The following KCNAB3 variants were observed in gnomAD, a reference collection of about 807,000 sequenced individuals.
KCNAB3 encodes potassium voltage-gated channel subfamily A regulatory beta subunit 3.
A neutral mutation model predicts 67.7 loss-of-function variants in KCNAB3; 62 were observed. The ratio of observed to expected loss-of-function variants is 0.92; its 90% CI spans 0.75 to 1.13. KCNAB3 has a LOEUF of 1.13. Among genes scored for constraint, KCNAB3 ranks in the 50% most tolerant of loss-of-function variants. The pLI is 0.00. For missense variants in KCNAB3, 514 were observed against 522.9 expected (o/e 0.98, Z 0.17); for synonymous variants, 212 against 205.4 (o/e 1.03, Z -0.27).
chr17:7,929,304 C>CG lies in KCNAB3; in HGVS notation c.131dup (p.Gly47TrpfsTer62). ...CCTTGGGGCCAGACCCTCCACCCCC[C>CG]GGAGGATTCCCGTGCCCCCCGCCGG... On this transcript the variant is annotated frameshift_variant, in exon 1 of 14. Transcript: ENST00000303790. LOFTEE classifies it high-confidence loss of function. This position sits in a 1 kb window ranked among gnomAD's most constrained non-coding sequence, Gnocchi z 5.7. 1 of 1,567,212 alleles carries CG rather than the reference C, an allele frequency of 6.4e-7. No individual in the cohort carries two copies.
In KCNAB3 at chr17:7,924,683, T is replaced by C. The variant is rs918149362; in HGVS notation, c.626-183A>G. On this transcript the variant is annotated intron_variant, in intron 8 of 13. Coordinates refer to ENST00000303790, the MANE Select transcript of KCNAB3 (RefSeq NM_004732.4). ...GAGTCTCAGCCTCCACTGTGGAGTT[T>C]TGGAGGCCTTCTGAGCAGGGGCTGG... 2.9e-6 allele frequency: 4 copies of C among 1,372,492 alleles called. No homozygotes were observed. The African/African-American group carries it at 5.8e-5, about 20-fold the overall frequency. 85.0% of individuals were successfully genotyped at this position (1,372,492 alleles called of 1,614,324 possible).
chr17:7,929,839 C>A lies in KCNAB3; in HGVS notation c.-404G>T, dbSNP rs141499938. ...GGACCCGCTGGGCTCCCAGCCGCGT[C>A]GGCAGCGGGCCCAGCTCATCAGCAT... On this transcript the variant is annotated 5_prime_UTR_variant, in exon 1 of 14. Coordinates refer to ENST00000303790, the MANE Select transcript of KCNAB3 (RefSeq NM_004732.4). This position sits in a 1 kb window ranked among gnomAD's most constrained non-coding sequence, Gnocchi z 5.7. The A allele has an allele frequency of 9.3e-6, 10 of 1,073,490 alleles. No individual in the cohort carries two copies. Among genetic ancestry groups the A allele is most frequent in the South Asian group, 5.3e-5 (2 of 37,446 alleles). 66.5% of individuals were successfully genotyped at this position (1,073,490 alleles called of 1,614,324 possible).
rs1417224737 is a variant in KCNAB3 at position 7,923,004 on chromosome 17, C to A, written c.*98G>T. 1 of 1,171,484 alleles carries A rather than the reference C, an allele frequency of 8.5e-7. No homozygotes were observed. The highest frequency in any genetic ancestry group is 1.3e-6 in the Non-Finnish European group (1 of 782,108). 72.6% of individuals were successfully genotyped at this position (1,171,484 alleles called of 1,614,324 possible). Reference sequence around the variant, plus strand: ...TGGGCGGGGCTAGTCTGGCTCCGGCCGCTGCGTGGAGGGATCCGGAGCGGG... The same window carrying A: ...TGGGCGGGGCTAGTCTGGCTCCGGCAGCTGCGTGGAGGGATCCGGAGCGGG... On this transcript the variant is annotated 3_prime_UTR_variant, in exon 14 of 14. Coordinates refer to ENST00000303790, the MANE Select transcript of KCNAB3 (RefSeq NM_004732.4).
rs928917715 is a variant in KCNAB3 at position 7,923,673 on chromosome 17, A to G, written c.1048+38T>C. On this transcript the variant is annotated intron_variant, in intron 12 of 13. Transcript: ENST00000303790. ...TTTAGGATGGGCTTGGGAGCATGTC[A>G]GGAGGAGACAGGGCCCCTGCAGGGT... 2.0e-5 allele frequency: 31 copies of G among 1,552,948 alleles called. No homozygotes were observed. In the East Asian group the frequency reaches 7.5e-4, roughly 38 times the overall value.
Position 7,924,244 on chromosome 17 carries a change from GTC to G in KCNAB3, c.731_732del (p.Arg244ThrfsTer10). 1 of 1,614,176 alleles carries G rather than the reference GTC, an allele frequency of 6.2e-7. No homozygotes were observed. The highest frequency in any genetic ancestry group is 8.5e-7 in the Non-Finnish European group (1 of 1,180,004). ...AEIMEAYSMA[R>X]QFNLIPPVCE... ...CACACTGGAGGAATCAGATTGAACT[GTC>G]TGGCCATGGAGTAGGCCTCCTGGGT... On this transcript the variant is annotated frameshift_variant, in exon 10 of 14. Transcript: ENST00000303790. LOFTEE classifies it high-confidence loss of function.
chr17:7,924,094 G>C, intron 10 of KCNAB3, 32 bp from the exon 11 acceptor site: 1 of 1,614,188 alleles, frequency 6.2e-7, no homozygotes, highest in Non-Finnish European at 8.5e-7. Context: ...TCAGGAAAAG[G>C]ACCTAGCCAT....
intron 7 of KCNAB3, 53 bp downstream of exon 7, chr17:7,925,630 C>T (rs1972202819): frequency 6.4e-7 from 1 of 1,570,212 alleles, no homozygotes; most frequent in Non-Finnish European, 8.8e-7. Flanking sequence ...ATGTTCCCTA[C>T]TCCTCTGGCT....
chr17:7,923,787 C>T lies in KCNAB3; in HGVS notation c.972G>A (p.Lys324=). ...LKDKVQSEDG[K]KQQAKVMDLL... is the part of the protein sequence containing the mutation. ...GGTCCATGACTTTGGCTTGTTGCTT[C>T]TTGCCATCTTCACTCTGCACTTTGT... The change falls in exon 12 of 14, where the codon AAG becomes AAA. Residue 324 remains lysine (K), a synonymous_variant. Coordinates refer to ENST00000303790, the MANE Select transcript of KCNAB3 (RefSeq NM_004732.4). 6.3e-7 allele frequency: 1 copy of T among 1,581,570 alleles called. No homozygotes were observed. The highest frequency in any genetic ancestry group is 1.7e-4 in the Middle Eastern group (1 of 6,036).
In KCNAB3 at chr17:7,923,076, G is replaced by A. The variant is rs375280063; in HGVS notation, c.*26C>T. The stretch of plus-strand genomic sequence containing the variant: ...GGCTCGGGCGGGTGCAGCGACACCG[G>A]GTTGGGTCCCTGCGCCCGCGACAGA... On this transcript the variant is annotated 3_prime_UTR_variant, in exon 14 of 14. Coordinates refer to ENST00000303790, the MANE Select transcript of KCNAB3 (RefSeq NM_004732.4). 1.4e-5 allele frequency: 23 copies of A among 1,608,766 alleles called. No homozygotes were observed. Among genetic ancestry groups the A allele is most frequent in the African/African-American group, 2.7e-5 (2 of 74,790 alleles).
At chr17:7,925,212 A>C in intron 7 of KCNAB3, 29 bp from the exon 8 acceptor site, 2 of 1,574,142 alleles carry the variant, frequency 1.3e-6, no homozygotes, top group Non-Finnish European at 8.7e-7. Context: ...GAAGAAAATA[A>C]GCACCTCAGC....
chr17:7,925,513 G>A, intron 7 of KCNAB3, 170 bp downstream of exon 7: 2 of 663,126 alleles, frequency 3.0e-6, no homozygotes, highest in Non-Finnish European at 5.1e-6. Context: ...TGGACAACAA[G>A]AGTGAAACTC....
chr17:7,923,089 C>G lies in KCNAB3; in HGVS notation c.*13G>C. The G allele has an allele frequency of 6.2e-7, 1 of 1,613,650 alleles. No homozygotes were observed. The highest frequency in any genetic ancestry group is 1.3e-5 in the African/African-American group (1 of 75,022). On this transcript the variant is annotated 3_prime_UTR_variant, in exon 14 of 14. Transcript: ENST00000303790. ...GCAGCGACACCGGGTTGGGTCCCTGCGCCCGCGACAGACTACTTCTTGGAA... is the reference window on the plus strand; with the variant it reads ...GCAGCGACACCGGGTTGGGTCCCTGGGCCCGCGACAGACTACTTCTTGGAA...
Position 7,926,039 on chromosome 17 carries a change from A to G in KCNAB3, c.449+20T>C, listed in dbSNP as rs746058434. 1 of 1,613,796 alleles carries G rather than the reference A, an allele frequency of 6.2e-7. No homozygotes were observed. Among genetic ancestry groups the G allele is most frequent in the Non-Finnish European group, 8.5e-7 (1 of 1,179,932 alleles). ...TTTTTGGGTGATCACATCCCCAGCAACCCCCCAAAACAGTCTCACCTCCAA... is the reference window on the plus strand; with the variant it reads ...TTTTTGGGTGATCACATCCCCAGCAGCCCCCCAAAACAGTCTCACCTCCAA... On this transcript the variant is annotated intron_variant, in intron 5 of 13. Transcript: ENST00000303790.
intron 1 of KCNAB3, 156 bp from the exon 2 acceptor site, chr17:7,927,982 C>G: frequency 1.2e-6 from 1 of 808,938 alleles, no homozygotes; most frequent in Non-Finnish European, 2.1e-6. Context: ...CAAGTGCTAT[C>G]TCCAGAGCAG....
rs1210829262 is a variant in KCNAB3, at chr17:7,923,029, G to A, written c.*73C>T. The A allele has an allele frequency of 2.0e-5, 28 of 1,421,900 alleles. No individual in the cohort carries two copies. Among genetic ancestry groups the A allele is most frequent in the Non-Finnish European group, 2.5e-5 (25 of 1,006,718 alleles). 88.1% of individuals were successfully genotyped at this position (1,421,900 alleles called of 1,614,324 possible). Reference sequence around the variant, plus strand: ...CGCTGCGTGGAGGGATCCGGAGCGGGAGAGGCGGCTGCGAGGAGCGGGGCT... The same window carrying A: ...CGCTGCGTGGAGGGATCCGGAGCGGAAGAGGCGGCTGCGAGGAGCGGGGCT... On this transcript the variant is annotated 3_prime_UTR_variant, in exon 14 of 14. Transcript: ENST00000303790.
intron 13 of KCNAB3, 62 bp from the exon 14 acceptor site, chr17:7,923,241 G>A: frequency 6.6e-7 from 1 of 1,508,760 alleles, no homozygotes; most frequent in Non-Finnish European, 9.2e-7. Context: ...AAGGGCATGG[G>A]GTTCCAGTAG....
intron 4 of KCNAB3, 179 bp downstream of exon 4, chr17:7,927,162 AGCC>A: frequency 1.5e-6 from 1 of 668,410 alleles, no homozygotes; most frequent in East Asian, 2.5e-5. Context: ...TTGACTTCTA[AGCC>A]AGAGAGGGAC....
rs1032190878 is a variant in KCNAB3 at position 7,921,917 on chromosome 17, G to A, written c.*1185C>T. The stretch of plus-strand genomic sequence containing the variant: ...AAGGCAGATAGCTAAGTCTTTCATA[G>A]AAAGAGGAGGAACAAAATTATGAAG... On this transcript the variant is annotated 3_prime_UTR_variant, in exon 14 of 14. Transcript: ENST00000303790. 6.6e-6 allele frequency: 1 copy of A among 152,196 alleles called. No individual in the cohort carries two copies. Among genetic ancestry groups the A allele is most frequent in the Non-Finnish European group, 1.5e-5 (1 of 68,038 alleles). The allele number at this position is 152,196 out of a possible 1,614,324, so 9.4% of individuals were successfully genotyped here.
chr17:7,925,873 A>T (rs949899813), intron 6 of KCNAB3, 58 bp downstream of exon 6: 5 of 1,541,464 alleles, frequency 3.2e-6, no homozygotes, highest in African/African-American at 1.4e-5. Flanking sequence ...CCCACCCCAT[A>T]CACCTTCACA....
Sources: allele counts gnomAD v4.1 joint callset, GRCh38; gene constraint gnomAD v4.1.1; non-coding constraint Gnocchi (gnomAD v3.1); transcripts MANE v1.5; gene names NCBI Gene and HGNC (gene_info 2026-07-23, HGNC 2026-07-21).